Variants in DCAF6 observed in about 807,000 individuals in gnomAD.
The protein encoded by DCAF6 is DDB1 and CUL4 associated factor 6, also known as DDB1- and CUL4-associated factor 6.
A neutral mutation model predicts 125.1 loss-of-function variants in DCAF6; 54 were observed. The observed-to-expected ratio is 0.43, with a 90% CI of 0.35 to 0.54. The LOEUF (loss-of-function observed/expected upper bound fraction) is 0.54. Among genes scored for constraint, DCAF6 ranks in the 20% least tolerant of loss-of-function variants. DCAF6 has a pLI of 0.01. For missense variants in DCAF6, 934 were observed against 1,161.7 expected (o/e 0.80, Z 2.85); for synonymous variants, 371 against 390.4 (o/e 0.95, Z 0.58).
chr1:167,959,726 T>C (rs888449468), intron 2 of DCAF6, among the ~76,000 whole-genome samples: 18 of 152,240 alleles, frequency 1.2e-4, no homozygotes, highest in Admixed American at 9.8e-4. Context: ...ATGTTTCTTA[T>C]TGTAGTGTTT....
At chr1:168,005,826 A>G (rs952878640) in intron 10 of DCAF6, among the ~76,000 whole-genome samples, 17 of 152,184 alleles carry the variant, frequency 1.1e-4, no homozygotes, top group Non-Finnish European at 1.6e-4. Context: ...AGTCAGTTAC[A>G]TAACTGTTAA....
chr1:168,016,137 C>T (rs1684947669), intron 11 of DCAF6, among the ~76,000 whole-genome samples, 186 bp downstream of exon 11: 1 of 152,178 alleles, frequency 6.6e-6, no homozygotes, highest in African/African-American at 2.4e-5. Flanking sequence ...GCAGCAGCAT[C>T]TGCCAGAGAG....
intron 3 of DCAF6, among the ~76,000 whole-genome samples, 189 bp from the exon 4 acceptor site, chr1:167,974,641 C>A (rs1677859946): frequency 6.6e-6 from 1 of 152,124 alleles, no homozygotes; most frequent in African/African-American, 2.4e-5. Context: ...TTATTCACAT[C>A]TCACAGGGAA....
At chr1:167,893,484 G>A in the DCAF6 span, among the ~76,000 whole-genome samples, 2 of 152,002 alleles carry the variant, frequency 1.3e-5, no homozygotes, top group African/African-American at 4.8e-5. Flanking sequence ...AGGGTGAGGC[G>A]GGCAGATTTC....
intron 1 of DCAF6, among the ~76,000 whole-genome samples, chr1:167,946,164 C>A (rs746238084): frequency 6.6e-5 from 10 of 151,948 alleles, no homozygotes; most frequent in Non-Finnish European, 1.0e-4. Context: ...ACCATGTTGG[C>A]CAGCTGGTCT....
chr1:167,903,779 A>G, the DCAF6 span: 1 of 784,374 alleles, frequency 1.3e-6, no homozygotes, highest in South Asian at 1.4e-5. Context: ...TTTCATGGGG[A>G]AGAGGAGGAG....
chr1:167,952,122 C>T (rs1674046664), intron 2 of DCAF6, among the ~76,000 whole-genome samples: 2 of 152,142 alleles, frequency 1.3e-5, no homozygotes, highest in Non-Finnish European at 2.9e-5. Context: ...CTTCATGTCT[C>T]CAAATGTGGT....
the DCAF6 span, among the ~76,000 whole-genome samples, chr1:167,886,918 T>G: frequency 6.6e-6 from 1 of 152,206 alleles, no homozygotes; most frequent in Non-Finnish European, 1.5e-5. Flanking sequence ...AAGAAGACAT[T>G]TATGCAGCCA....
At chr1:167,936,144 C>A (rs1258526844), upstream of DCAF6, 2 of 355,966 alleles carry the variant, frequency 5.6e-6, no homozygotes, top group South Asian at 3.1e-5. Context: ...CAAGTCTGCG[C>A]TGCGCCCTGC....
Position 168,069,627 on chromosome 1 carries a change from C to A in DCAF6, c.2791+1164C>A, listed in dbSNP as rs1572181235. 5.9e-5 allele frequency among the ~76,000 whole-genome samples: 9 copies of A among 152,152 alleles called. No individual in the cohort carries two copies. The South Asian group carries it at 1.9e-3, about 32-fold the overall frequency. On this transcript the variant is annotated intron_variant, in intron 21 of 21. Transcript: ENST00000367840. ...CTAGAGGAGAGAAAGTATAGCACATCTGAAAAATTGAAAGAAGACCCATAT... is the reference window on the plus strand; with the variant it reads ...CTAGAGGAGAGAAAGTATAGCACATATGAAAAATTGAAAGAAGACCCATAT...
chr1:167,868,768 A>T, the DCAF6 span, among the ~76,000 whole-genome samples: 5 of 152,374 alleles, frequency 3.3e-5, no homozygotes, highest in Admixed American at 6.5e-5. Context: ...ATGATGAATG[A>T]CCACCTAAAA....
At chr1:168,062,246 C>T (rs1434668913) in intron 17 of DCAF6, among the ~76,000 whole-genome samples, 2 of 152,138 alleles carry the variant, frequency 1.3e-5, no homozygotes, top group Non-Finnish European at 2.9e-5. Flanking sequence ...TTTAAAGGGA[C>T]AGTAATGATG....
rs1335263288 is a variant in DCAF6 at position 167,988,001 on chromosome 1, CT to C, written c.552+400del. 3.3e-5 allele frequency among the ~76,000 whole-genome samples: 5 copies of C among 152,040 alleles called. No homozygotes were observed. In the South Asian group the frequency reaches 6.2e-4, roughly 19 times the overall value. ...AGTTATAAAAGCTTGTGGTAGTTGT[CT>C]TTTTTTCTCCTGTCTTTTAAACCAA... is the stretch of plus-strand genomic sequence containing the variant. On this transcript the variant is annotated intron_variant, in intron 5 of 21. Coordinates refer to ENST00000367840, the MANE Select transcript of DCAF6 (RefSeq NM_001198956.2).
At chr1:168,056,117 A>C in intron 17 of DCAF6, 1 of 1,594,126 alleles carries the variant, frequency 6.3e-7, no homozygotes, top group Middle Eastern at 1.7e-4. Flanking sequence ...CACTTTCCAA[A>C]GCACCAAACT....
intron 12 of DCAF6, among the ~76,000 whole-genome samples, chr1:168,034,263 C>G (rs1237392097): frequency 6.6e-6 from 1 of 151,988 alleles, no homozygotes; most frequent in Non-Finnish European, 1.5e-5. Context: ...ACCTGTAATC[C>G]CAACACTTTG....
At chr1:167,959,801 C>A (rs1014322310) in intron 2 of DCAF6, among the ~76,000 whole-genome samples, 1 of 151,974 alleles carries the variant, frequency 6.6e-6, no homozygotes, top group African/African-American at 2.4e-5. Context: ...AAGTATTTCC[C>A]CTGTCTTGTC....
chr1:167,993,504 C>T, intron 7 of DCAF6, 64 bp downstream of exon 7: 1 of 1,381,394 alleles, frequency 7.2e-7, no homozygotes, highest in Non-Finnish European at 1.0e-6. Flanking sequence ...AATCCCAGCG[C>T]TTTGGGAGGC....
intron 8 of DCAF6, among the ~76,000 whole-genome samples, chr1:168,003,326 G>A (rs1453055053): frequency 6.6e-6 from 1 of 152,086 alleles, no homozygotes; most frequent in East Asian, 1.9e-4. Context: ...ACTTGCAGGA[G>A]GAAAAGGAGT....
the DCAF6 span, among the ~76,000 whole-genome samples, chr1:167,916,555 G>T: frequency 6.9e-6 from 1 of 145,902 alleles, no homozygotes; most frequent in African/African-American, 2.6e-5. Context: ...AGAGTTTTGG[G>T]GCAGAAAAGA....
Sources: allele counts gnomAD v4.1 joint callset (sites outside exome capture counted in the v4.1 genomes callset), GRCh38; gene constraint gnomAD v4.1.1; transcripts MANE v1.5; gene names NCBI Gene and HGNC (gene_info 2026-07-23, HGNC 2026-07-21).